Variants in DPP6 observed in about 807,000 individuals in gnomAD.
The protein encoded by DPP6 is dipeptidyl peptidase like 6, also known as A-type potassium channel modulatory protein DPP6.
In DPP6, 69 loss-of-function variants were observed where a neutral mutation model predicts 122.6. The ratio of observed to expected loss-of-function variants is 0.56; its 90% confidence interval spans 0.46 to 0.69. The LOEUF (loss-of-function observed/expected upper bound fraction) is 0.69, where lower values mean the gene tolerates loss of function less well. DPP6 is among the 30% of genes least tolerant of loss of function. The pLI, the probability that DPP6 is intolerant of heterozygous loss-of-function variation, is 0.00. For missense variants in DPP6, 928 were observed against 1,116.9 expected, an observed-to-expected ratio of 0.83 and a Z score of 2.41; for synonymous variants, 418 against 433.1, an observed-to-expected ratio of 0.97 and a Z score of 0.43.
chr7:153,764,363 G>C, the DPP6 span, among the ~76,000 whole-genome samples: 1 of 149,138 alleles, frequency 6.7e-6, no homozygotes, highest in African/African-American at 2.5e-5. Flanking sequence ...TCTGCACTCA[G>C]CAGTCCTCCC....
At chr7:154,071,937 A>G (rs1803147188) in intron 1 of DPP6, among the ~76,000 whole-genome samples, 1 of 152,196 alleles carries the variant, frequency 6.6e-6, no homozygotes, top group South Asian at 2.1e-4. Context: ...CAACAGTTTT[A>G]AGCAAACAAA....
intron 6 of DPP6, among the ~76,000 whole-genome samples, chr7:154,666,207 A>ATGTGTG (rs55860520): frequency 1.3e-5 from 1 of 77,858 alleles, no homozygotes; most frequent in African/African-American, 8.2e-5. Flanking sequence ...ATATACACAT[A>ATGTGTG]TACATACATA....
intron 2 of DPP6, among the ~76,000 whole-genome samples, chr7:154,452,681 A>C (rs1340902616): frequency 6.6e-6 from 1 of 152,200 alleles, no homozygotes; most frequent in Admixed American, 6.5e-5. Flanking sequence ...CCTGGTACCC[A>C]GGGGCCCCTT....
chr7:154,028,724 G>T (rs2533803), intron 1 of DPP6, among the ~76,000 whole-genome samples: 2 of 152,060 alleles, frequency 1.3e-5, no homozygotes, highest in Admixed American at 6.6e-5. Flanking sequence ...GGTAGGCCCC[G>T]CTCTGCCTGC....
At chr7:154,032,983 C>T (rs867066764) in intron 1 of DPP6, among the ~76,000 whole-genome samples, 4 of 152,012 alleles carry the variant, frequency 2.6e-5, no homozygotes, top group Non-Finnish European at 5.9e-5. Flanking sequence ...CTTTATATAC[C>T]TGTGGCTGCC....
Position 154,313,685 on chromosome 7 carries a change from G to GTGTGTGTGTT in DPP6, c.244-132528_244-132527insGTGTGTGTTT. ...AAGCAACAAGATATTTTAAGATATG[G>GTGTGTGTGTT]TATATATATATATATATATATATAT... On this transcript the variant is annotated intron_variant, in intron 1 of 25. Coordinates refer to ENST00000377770, the MANE Select transcript of DPP6 (RefSeq NM_130797.4). Among the ~76,000 whole-genome samples the GTGTGTGTGTT allele has an allele frequency of 9.8e-5, 2 of 20,476 alleles. 1 individual carries two copies. The highest frequency in any genetic ancestry group is 2.2e-4 in the Non-Finnish European group (2 of 9,024). The allele number at this position is 20,476 out of a possible 152,430, so 13.4% of individuals were successfully genotyped here.
intron 1 of DPP6, among the ~76,000 whole-genome samples, chr7:154,419,159 G>A (rs952119613): frequency 1.1e-4 from 16 of 152,304 alleles, no homozygotes; most frequent in African/African-American, 3.1e-4. Flanking sequence ...AGTATTAAAG[G>A]CAAAGCAATG....
chr7:154,551,068 A>G (rs73163085), intron 4 of DPP6, among the ~76,000 whole-genome samples: 23,714 of 152,234 alleles, frequency 0.16, 1,993 homozygotes, highest in Non-Finnish European at 0.18. Context: ...AATGAAAGCT[A>G]CAGACCAAAA....
chr7:153,859,383 A>C, the DPP6 span, among the ~76,000 whole-genome samples: 1 of 152,242 alleles, frequency 6.6e-6, no homozygotes, highest in Non-Finnish European at 1.5e-5. Context: ...AGGACAATGT[A>C]AGGCTAGTTA....
chr7:154,659,427 C>T (rs1837475867), intron 6 of DPP6, among the ~76,000 whole-genome samples: 3 of 152,182 alleles, frequency 2.0e-5, no homozygotes, highest in South Asian at 2.1e-4. Context: ...CACATATATA[C>T]GTTGTGTGTA....
intron 1 of DPP6, among the ~76,000 whole-genome samples, chr7:153,912,557 A>G (rs1315608494): frequency 1.3e-5 from 2 of 152,230 alleles, no homozygotes; most frequent in Non-Finnish European, 2.9e-5. Flanking sequence ...CATTTCCTAC[A>G]GAGCTATTTG....
At chr7:154,492,087 A>G (rs1824325429) in intron 3 of DPP6, among the ~76,000 whole-genome samples, 1 of 152,206 alleles carries the variant, frequency 6.6e-6, no homozygotes, top group Non-Finnish European at 1.5e-5. Context: ...CTAGGTGCCT[A>G]AAGCTCTGAT....
chr7:154,825,147 C>A (rs1213053738), intron 16 of DPP6, among the ~76,000 whole-genome samples: 1 of 152,108 alleles, frequency 6.6e-6, no homozygotes, highest in Non-Finnish European at 1.5e-5. Context: ...ACCAGATGGC[C>A]AAAGAGGACT....
rs1282380069 is a variant in DPP6 at position 154,211,400 on chromosome 7, G to T, written c.243+158337G>T. Among the ~76,000 whole-genome samples, 4 of 152,270 alleles carry T rather than the reference G, an allele frequency of 2.6e-5. No individual in the cohort carries two copies. The East Asian group carries it at 5.8e-4, about 22-fold the overall frequency. On this transcript the variant is annotated intron_variant, in intron 1 of 25. Coordinates refer to ENST00000377770, the MANE Select transcript of DPP6 (RefSeq NM_130797.4). ...GTCAGGGAGTCACTGGGTTTTTCCA[G>T]CGAGCACCCCTCACGTCCATCTCCA...
intron 16 of DPP6, among the ~76,000 whole-genome samples, chr7:154,837,109 A>C (rs984875861): frequency 6.6e-6 from 1 of 152,112 alleles, no homozygotes; most frequent in Non-Finnish European, 1.5e-5. Flanking sequence ...ACCTGCATGC[A>C]CACACACACA....
chr7:154,183,390 T>C lies in DPP6; in HGVS notation c.243+130327T>C, dbSNP rs372097356. ...GAAAAACAGAAGGTGCCTGGGTGAGTTGAAGTAATTGTTTAGTTGTGGCTC... is the reference window on the plus strand; with the variant it reads ...GAAAAACAGAAGGTGCCTGGGTGAGCTGAAGTAATTGTTTAGTTGTGGCTC... On this transcript the variant is annotated intron_variant, in intron 1 of 25. Coordinates refer to ENST00000377770, the MANE Select transcript of DPP6 (RefSeq NM_130797.4). Among the ~76,000 whole-genome samples the C allele has an allele frequency of 4.0e-3, 604 of 152,232 alleles. 2 individuals carry two copies. Among genetic ancestry groups the C allele is most frequent in the Non-Finnish European group, 6.5e-3 (444 of 68,024 alleles).
intron 2 of DPP6, among the ~76,000 whole-genome samples, chr7:154,465,893 A>G (rs1254250570): frequency 3.3e-5 from 5 of 152,228 alleles, no homozygotes; most frequent in African/African-American, 7.2e-5. Flanking sequence ...TTCTACTATA[A>G]GGACACATGC....
intron 1 of DPP6, among the ~76,000 whole-genome samples, chr7:153,954,930 G>GA (rs58725226): frequency 0.79 from 120,466 of 151,780 alleles, 48,881 homozygotes; most frequent in East Asian, 1. Flanking sequence ...AAACAAGGCT[G>GA]AAAGGCAATC....
At chr7:154,266,256 T>G (rs1803411603) in intron 1 of DPP6, among the ~76,000 whole-genome samples, 2 of 152,166 alleles carry the variant, frequency 1.3e-5, no homozygotes, top group African/African-American at 4.8e-5. Flanking sequence ...ATCAGGGGTG[T>G]CCTCAATTTG....
Sources: gnomAD v4.1 joint callset for allele counts (sites outside exome capture counted in the v4.1 genomes callset) on GRCh38, gnomAD v4.1.1 for gene constraint, MANE v1.5 for transcripts, NCBI Gene and HGNC (gene_info 2026-07-23, HGNC 2026-07-21) for gene names.